NAA50: variants seen among roughly 807,000 people sequenced by gnomAD.
The protein encoded by NAA50 is N-alpha-acetyltransferase 50.
NAA50 carries 7 observed loss-of-function variants against 20.7 expected under a neutral mutation model. That is an observed-to-expected ratio of 0.34 (90% CI 0.19 to 0.63). NAA50 has a LOEUF of 0.63. Ranked by LOEUF, NAA50 falls within the 30% of genes least tolerant of loss-of-function variation. NAA50 has a pLI of 0.75. For missense variants in NAA50, 111 were observed against 199.1 expected, an observed-to-expected ratio of 0.56 and a Z score of 2.66; for synonymous variants, 54 against 70.6, an observed-to-expected ratio of 0.77 and a Z score of 1.18.
chr3:113,738,499 T>C (rs1335635140), intron 1 of NAA50, among the ~76,000 whole-genome samples: 1 of 152,250 alleles, frequency 6.6e-6, no homozygotes, highest in Non-Finnish European at 1.5e-5. Flanking sequence ...CTTTATGTCC[T>C]ATTTTAATCT....
chr3:113,722,826 C>T, intron 4 of NAA50, 80 bp downstream of exon 4: 2 of 1,422,766 alleles, frequency 1.4e-6, no homozygotes, highest in Admixed American at 2.7e-5. Flanking sequence ...AATAAGTGAC[C>T]AGATTTTAAA....
chr3:113,724,304 A>G (rs1708174389), intron 1 of NAA50, among the ~76,000 whole-genome samples: 1 of 152,230 alleles, frequency 6.6e-6, no homozygotes. Flanking sequence ...ACATACATTC[A>G]GGGACAAATA....
In NAA50 at chr3:113,716,471, A is replaced by G. The variant is rs1708049895; in HGVS notation, c.*5289T>C. Reference sequence around the variant, plus strand: ...AGCAATTACACATATAGTACCTGACAGTTTTATTATACTTTAGGGGAAGAG... The same window carrying G: ...AGCAATTACACATATAGTACCTGACGGTTTTATTATACTTTAGGGGAAGAG... On this transcript the variant is annotated 3_prime_UTR_variant, in exon 5 of 5. Coordinates refer to ENST00000240922, the MANE Select transcript of NAA50 (RefSeq NM_025146.4). 6.6e-6 allele frequency: 1 copy of G among 152,262 alleles called. No individual in the cohort carries two copies. Among genetic ancestry groups the G allele is most frequent in the Non-Finnish European group, 1.5e-5 (1 of 68,044 alleles). The allele number at this position is 152,262 out of a possible 1,614,324, so 9.4% of individuals were successfully genotyped here. A position where few individuals can be genotyped will look rare whatever the true frequency, so the allele number is the denominator to read the frequency against.
chr3:113,731,972 T>C (rs993078888), intron 1 of NAA50, among the ~76,000 whole-genome samples: 2 of 152,214 alleles, frequency 1.3e-5, no homozygotes, highest in African/African-American at 2.4e-5. Context: ...TTTTTTCTGG[T>C]AGATAACTGG....
At chr3:113,745,748 T>C (rs1364711814) in intron 1 of NAA50, 194 bp downstream of exon 1, 2 of 628,806 alleles carry the variant, frequency 3.2e-6, no homozygotes, top group Non-Finnish European at 5.2e-6. Context: ...TTGCCTCCGC[T>C]GGCCCTTCAG....
Position 113,722,961 on chromosome 3 carries a change from A to G in NAA50, c.277T>C (p.Leu93=). The G allele has an allele frequency of 2.0e-6, 3 of 1,538,042 alleles. No individual in the cohort carries two copies. Among genetic ancestry groups the G allele is most frequent in the Non-Finnish European group, 2.6e-6 (3 of 1,133,654 alleles). The change falls in exon 4 of 5, where the codon TTA becomes CTA. Residue 93 remains leucine, a synonymous_variant. Coordinates refer to ENST00000240922, the MANE Select transcript of NAA50 (RefSeq NM_025146.4). ...YRRLGIGTKM[L]NHVLNICEKD... Reference sequence around the variant, plus strand: ...TCACAGATGTTTAAGACATGATTTAACATTTTAGTTCCTGTTAATAAAATA... The same window carrying G: ...TCACAGATGTTTAAGACATGATTTAGCATTTTAGTTCCTGTTAATAAAATA...
chr3:113,733,853 CAAAAAAA>C (rs58431115), intron 1 of NAA50, among the ~76,000 whole-genome samples: 36 of 68,488 alleles, frequency 5.3e-4, no homozygotes, highest in Non-Finnish European at 6.8e-4. Context: ...ACTCTGTCTC[CAAAAAAA>C]AAAAAAAAAA....
chr3:113,740,468 G>C (rs1055032218), intron 1 of NAA50, among the ~76,000 whole-genome samples: 1 of 152,184 alleles, frequency 6.6e-6, no homozygotes, highest in Non-Finnish European at 1.5e-5. Flanking sequence ...CTAAGCTCAA[G>C]TGATTTTCCC....
intron 1 of NAA50, among the ~76,000 whole-genome samples, chr3:113,728,026 T>G (rs978079973): frequency 4.7e-5 from 7 of 150,024 alleles, no homozygotes; most frequent in African/African-American, 1.7e-4. Flanking sequence ...TTTCTAAATA[T>G]ATCAAAGTAC....
In NAA50 at chr3:113,722,938, A is replaced by G. The variant is rs1414768320; in HGVS notation, c.300T>C (p.Cys100=). 2 of 1,542,918 alleles carry G rather than the reference A, an allele frequency of 1.3e-6. No individual in the cohort carries two copies. Among genetic ancestry groups the G allele is most frequent in the Non-Finnish European group, 1.8e-6 (2 of 1,135,224 alleles). The change falls in exon 4 of 5, where the codon TGT becomes TGC. Residue 100 remains cysteine, a synonymous_variant. Coordinates refer to ENST00000240922, the MANE Select transcript of NAA50 (RefSeq NM_025146.4). ...TGTTGTCAAAAGTACCATCTTTTTC[A>G]CAGATGTTTAAGACATGATTTAACA... ...TKMLNHVLNI[C]EKDGTFDNIY... is the part of the protein sequence containing the mutation.
At position 113,720,479 on chromosome 3, in the gene NAA50, A is replaced by G. The variant is rs1373103741; in HGVS notation, c.*1281T>C. 6.5e-6 allele frequency: 1 copy of G among 152,694 alleles called. No homozygotes were observed. The highest frequency in any genetic ancestry group is 1.5e-5 in the Non-Finnish European group (1 of 68,032). 9.5% of individuals were successfully genotyped at this position (152,694 alleles called of 1,614,324 possible). The stretch of plus-strand genomic sequence containing the variant: ...GTCAAAGCCACTCCGTGTGTGCCGG[A>G]AAATGATCTGGCATAAACCAGTCCT... On this transcript the variant is annotated 3_prime_UTR_variant, in exon 5 of 5. Coordinates refer to ENST00000240922, the MANE Select transcript of NAA50 (RefSeq NM_025146.4).
In NAA50 at chr3:113,729,001, T is replaced by C. The variant is rs549016142; in HGVS notation, c.9-4906A>G. Among the ~76,000 whole-genome samples the C allele has an allele frequency of 2.8e-4, 43 of 152,054 alleles. No homozygotes were observed. In the East Asian group the frequency reaches 6.4e-3, roughly 22 times the overall value. On this transcript the variant is annotated intron_variant, in intron 1 of 4. Coordinates refer to ENST00000240922, the MANE Select transcript of NAA50 (RefSeq NM_025146.4). The stretch of plus-strand genomic sequence containing the variant: ...TTTTTTCCTTTTCTTTTTTTTTTTT[T>C]TTGAGACGGAGTCTCCCTCTGTTGC...
intron 1 of NAA50, among the ~76,000 whole-genome samples, chr3:113,743,508 A>T (rs2107997007): frequency 6.6e-6 from 1 of 152,314 alleles, no homozygotes; most frequent in South Asian, 2.1e-4. Context: ...CTTATTTTAA[A>T]CCTATACTGT....
Position 113,722,763 on chromosome 3 carries a change from A to G in NAA50, c.332+143T>C, listed in dbSNP as rs569043184. 2.8e-5 allele frequency: 27 copies of G among 981,300 alleles called. 1 individual carries two copies. In the Middle Eastern group the frequency reaches 1.0e-3, roughly 37 times the overall value. 60.8% of individuals were successfully genotyped at this position (981,300 alleles called of 1,614,324 possible). On this transcript the variant is annotated intron_variant, in intron 4 of 4. Transcript: ENST00000240922. ...AATAAAACAAAACTAAACAAAACTA[A>G]CAACTACTCGAATACTTTGTAACAA...
At chr3:113,734,050 G>A (rs1241750500) in intron 1 of NAA50, among the ~76,000 whole-genome samples, 1 of 151,862 alleles carries the variant, frequency 6.6e-6, no homozygotes, top group Non-Finnish European at 1.5e-5. Flanking sequence ...TGATTGATGG[G>A]GCTCATTCTA....
intron 1 of NAA50, 22 bp downstream of exon 1, chr3:113,745,920 C>G: frequency 6.2e-7 from 1 of 1,603,514 alleles, no homozygotes; most frequent in Non-Finnish European, 8.5e-7. Flanking sequence ...CGGCCGGGCC[C>G]TGCCCGGCTG....
chr3:113,741,689 G>A (rs1708419456), intron 1 of NAA50, among the ~76,000 whole-genome samples: 1 of 152,196 alleles, frequency 6.6e-6, no homozygotes, highest in Non-Finnish European at 1.5e-5. Flanking sequence ...TCAATAAGAT[G>A]AGTGCTTGGA....
chr3:113,724,214 GATTTATAAGCAAATTATC>G lies in NAA50; in HGVS notation c.9-137_9-120del, dbSNP rs1011567998. 2.0e-5 allele frequency: 22 copies of G among 1,109,806 alleles called. No individual in the cohort carries two copies. In the African/African-American group the frequency reaches 3.1e-4, roughly 15 times the overall value. The allele number at this position is 1,109,806 out of a possible 1,614,324, so 68.7% of individuals were successfully genotyped here. A position where few individuals can be genotyped will look rare whatever the true frequency, so the allele number is the denominator to read the frequency against. On this transcript the variant is annotated intron_variant, in intron 1 of 4. Coordinates refer to ENST00000240922, the MANE Select transcript of NAA50 (RefSeq NM_025146.4). ...TGATAAATCCAACTCTTTCAGAGTT[GATTTATAAGCAAATTATC>G]ATTTATAAGCAAATTTTGACAGTCA...
intron 1 of NAA50, among the ~76,000 whole-genome samples, chr3:113,745,094 C>T (rs116063495): frequency 2.4e-3 from 358 of 152,232 alleles, no homozygotes; most frequent in African/African-American, 8.3e-3. Context: ...AAAAATGTTA[C>T]GTAATTAATA....
Sources: gnomAD v4.1 joint callset for allele counts (sites outside exome capture counted in the v4.1 genomes callset) on GRCh38, gnomAD v4.1.1 for gene constraint, MANE v1.5 for transcripts, NCBI Gene and HGNC (gene_info 2026-07-23, HGNC 2026-07-21) for gene names.